Variants in PARD3B observed in about 807,000 individuals in gnomAD.
PARD3B encodes the protein partitioning defective 3 homolog B.
A neutral mutation model predicts 130.2 loss-of-function variants in PARD3B; 103 were observed. That is an observed-to-expected ratio of 0.79 (90% CI 0.67 to 0.93). The LOEUF is 0.93. Ranked by LOEUF, PARD3B falls within the 40% of genes least tolerant of loss-of-function variation. The pLI is 0.00. For missense variants in PARD3B, 1,609 were observed against 1,499.2 expected (o/e 1.07, Z -1.21); for synonymous variants, 583 against 553.2 (o/e 1.05, Z -0.76).
chr2:205,587,015 C>G (rs2054221035), intron 22 of PARD3B, among the ~76,000 whole-genome samples: 1 of 152,186 alleles, frequency 6.6e-6, no homozygotes, highest in Admixed American at 6.5e-5. Context: ...GTCTCCATGC[C>G]AACACATCCA....
At chr2:204,721,298 T>C (rs1317579858) in intron 2 of PARD3B, among the ~76,000 whole-genome samples, 2 of 152,106 alleles carry the variant, frequency 1.3e-5, no homozygotes, top group Non-Finnish European at 2.9e-5. Flanking sequence ...AATATGAAGC[T>C]GGTTAACATA....
At chr2:205,365,390 A>G (rs1559706125) in intron 18 of PARD3B, among the ~76,000 whole-genome samples, 1 of 150,560 alleles carries the variant, frequency 6.6e-6, no homozygotes, top group African/African-American at 2.4e-5. Context: ...CAGAAAAAAA[A>G]AAAGAAAGAA....
chr2:204,615,681 C>T (rs1004029396), intron 1 of PARD3B, among the ~76,000 whole-genome samples: 4 of 152,080 alleles, frequency 2.6e-5, no homozygotes, highest in African/African-American at 9.7e-5. Flanking sequence ...CAGCGTCTGC[C>T]AAATACCCAA....
intron 15 of PARD3B, among the ~76,000 whole-genome samples, chr2:205,205,058 A>AT (rs1354314786): frequency 6.6e-6 from 1 of 152,114 alleles, no homozygotes; most frequent in Non-Finnish European, 1.5e-5. Context: ...CATTTTCACT[A>AT]TATTGATTCT....
At chr2:205,110,668 C>G (rs1243913724) in intron 5 of PARD3B, among the ~76,000 whole-genome samples, 1 of 145,204 alleles carries the variant, frequency 6.9e-6, no homozygotes, top group African/African-American at 2.5e-5. Context: ...CTGTCAACCG[C>G]TTTTTCTTTC....
At chr2:205,349,820 TAA>T (rs55951548) in intron 18 of PARD3B, among the ~76,000 whole-genome samples, 4,393 of 139,478 alleles carry the variant, frequency 0.031, 207 homozygotes, top group African/African-American at 0.093. Flanking sequence ...TTTTTTTTTT[TAA>T]AAAAAGAGGA....
intron 22 of PARD3B, among the ~76,000 whole-genome samples, chr2:205,570,747 G>C (rs769696678): frequency 6.6e-6 from 1 of 152,128 alleles, no homozygotes; most frequent in Non-Finnish European, 1.5e-5. Context: ...GTGTTCACCC[G>C]TGCTACCTAA....
At chr2:205,138,135 G>C (rs1182311229) in intron 10 of PARD3B, among the ~76,000 whole-genome samples, 1 of 152,168 alleles carries the variant, frequency 6.6e-6, no homozygotes, top group East Asian at 1.9e-4. Flanking sequence ...GTTGAGTTTT[G>C]AATGGTCGTT....
intron 18 of PARD3B, among the ~76,000 whole-genome samples, chr2:205,387,768 G>C (rs188179022): frequency 6.6e-6 from 1 of 152,170 alleles, no homozygotes; most frequent in Admixed American, 6.6e-5. Context: ...GAGACCAGAA[G>C]CATTAAATCC....
chr2:205,509,008 G>A (rs2050486732), intron 21 of PARD3B, among the ~76,000 whole-genome samples: 1 of 150,158 alleles, frequency 6.7e-6, no homozygotes, highest in Admixed American at 6.6e-5. Flanking sequence ...TTATATTTCA[G>A]TGTGTCTTTC....
intron 2 of PARD3B, among the ~76,000 whole-genome samples, chr2:204,916,524 A>T (rs2047451982): frequency 6.6e-6 from 1 of 152,150 alleles, no homozygotes; most frequent in Non-Finnish European, 1.5e-5. Context: ...TTCTATAGAG[A>T]TTTATTAAAA....
Position 205,463,757 on chromosome 2 carries a change from C to T in PARD3B, c.3044+23085C>T, listed in dbSNP as rs1028346857. Among the ~76,000 whole-genome samples the T allele has an allele frequency of 3.9e-5, 6 of 152,140 alleles. No individual in the cohort carries two copies. The highest frequency in any genetic ancestry group is 1.4e-4 in the African/African-American group (6 of 41,432). On this transcript the variant is annotated intron_variant, in intron 20 of 22. Coordinates refer to ENST00000406610, the MANE Select transcript of PARD3B (RefSeq NM_001302769.2). This position sits in a 1 kb window ranked among gnomAD's most constrained non-coding sequence, Gnocchi z 4.8. ...AGACTGAAATCCTGAAAGATTGTGG[C>T]CTGTTTACTGGGAGAGCATTTTAAC... is the stretch of plus-strand genomic sequence containing the variant.
intron 3 of PARD3B, among the ~76,000 whole-genome samples, chr2:205,030,180 T>C (rs936274171): frequency 1.3e-5 from 2 of 152,146 alleles, no homozygotes; most frequent in Admixed American, 6.6e-5. Flanking sequence ...AACCCTGTTT[T>C]TGAGGACAGA....
chr2:205,085,082 A>G (rs1433903691), intron 4 of PARD3B, among the ~76,000 whole-genome samples: 5 of 152,016 alleles, frequency 3.3e-5, no homozygotes, highest in African/African-American at 9.7e-5. Context: ...GGATTTGTCA[A>G]TCTCCTTATA....
chr2:204,937,068 A>C (rs1688515520), intron 2 of PARD3B, among the ~76,000 whole-genome samples: 1 of 152,272 alleles, frequency 6.6e-6, no homozygotes, highest in Non-Finnish European at 1.5e-5. Context: ...AACTTGTACA[A>C]GGTCACATGA....
chr2:205,260,884 ACTGCT>A (rs10574504), intron 16 of PARD3B, among the ~76,000 whole-genome samples: 10,215 of 152,104 alleles, frequency 0.067, 425 homozygotes, highest in East Asian at 0.2. Flanking sequence ...CTTGAGGGTC[ACTGCT>A]TTAACTCTCC....
intron 1 of PARD3B, among the ~76,000 whole-genome samples, chr2:204,596,913 A>G (rs2033313060): frequency 6.9e-6 from 1 of 144,552 alleles, no homozygotes; most frequent in Non-Finnish European, 1.5e-5. Context: ...AGAGAAACTC[A>G]CTCACTCTCT....
chr2:204,956,816 A>G (rs1466195495), intron 2 of PARD3B, among the ~76,000 whole-genome samples: 1 of 152,202 alleles, frequency 6.6e-6, no homozygotes, highest in African/African-American at 2.4e-5. Context: ...CAAGGCAGGT[A>G]TATAGAGTTT....
chr2:204,996,788 C>A (rs1694231993), intron 3 of PARD3B, among the ~76,000 whole-genome samples: 1 of 148,412 alleles, frequency 6.7e-6, no homozygotes, highest in African/African-American at 2.5e-5. Context: ...TCGTGGTGCG[C>A]CGTTTTTTAA....
Sources: gnomAD v4.1 joint callset for allele counts (sites outside exome capture counted in the v4.1 genomes callset) on GRCh38, gnomAD v4.1.1 for gene constraint, Gnocchi (gnomAD v3.1) non-coding constraint, MANE v1.5 for transcripts, NCBI Gene and HGNC (gene_info 2026-07-23, HGNC 2026-07-21) for gene names.